PLCB1: variants seen among roughly 807,000 people sequenced by gnomAD.
PLCB1 encodes the protein 1-phosphatidylinositol 4,5-bisphosphate phosphodiesterase beta-1.
In PLCB1, 46 loss-of-function variants were observed where a neutral mutation model predicts 161.8. That is an observed-to-expected ratio of 0.28 (90% CI 0.22 to 0.36). The LOEUF is 0.36. Ranked by LOEUF, PLCB1 falls within the 10% of genes least tolerant of loss-of-function variation. The probability of loss-of-function intolerance (pLI) is 1.00; values close to 1 mark genes in which losing one functional copy is unlikely to be tolerated. For synonymous variants in PLCB1, 517 were observed against 503.7 expected, an observed-to-expected ratio of 1.03 and a Z score of -0.35; for missense variants, 1,016 against 1,472.5, an observed-to-expected ratio of 0.69 and a Z score of 5.07.
chr20:8,749,232 A>G (rs529838057), intron 23 of PLCB1, among the ~76,000 whole-genome samples: 8 of 152,302 alleles, frequency 5.3e-5, no homozygotes, highest in East Asian at 1.9e-4. Context: ...CATCTCTAAC[A>G]ATCTGCAGTG....
At chr20:8,745,009 ATTG>A (rs1981096297) in intron 23 of PLCB1, among the ~76,000 whole-genome samples, 1 of 152,294 alleles carries the variant, frequency 6.6e-6, no homozygotes, top group African/African-American at 2.4e-5. Flanking sequence ...AATGTATAAT[ATTG>A]TTTAAATTTG....
chr20:8,526,412 G>A (rs940746249), intron 3 of PLCB1, among the ~76,000 whole-genome samples: 3 of 152,018 alleles, frequency 2.0e-5, no homozygotes, highest in African/African-American at 7.2e-5. Context: ...GGTTTCTGTA[G>A]TGTAAAAATC....
intron 31 of PLCB1, among the ~76,000 whole-genome samples, chr20:8,820,612 G>A (rs2146263368): frequency 6.6e-6 from 1 of 152,244 alleles, no homozygotes; most frequent in South Asian, 2.1e-4. Flanking sequence ...CCTATAACCA[G>A]AAATTCCTCA....
At chr20:8,538,945 C>G (rs1380333863) in intron 3 of PLCB1, among the ~76,000 whole-genome samples, 1 of 151,914 alleles carries the variant, frequency 6.6e-6, no homozygotes, top group Non-Finnish European at 1.5e-5. Flanking sequence ...AGGCGCCTGC[C>G]ACCACGCCAG....
chr20:8,168,456 G>A lies in PLCB1; in HGVS notation c.177+18085G>A, dbSNP rs115770550. Reference sequence around the variant, plus strand: ...AGAGCACTTACGCTGCAGTGAGGTGGGTGTCTCTCACCATACCCTAGACTT... The same window carrying A: ...AGAGCACTTACGCTGCAGTGAGGTGAGTGTCTCTCACCATACCCTAGACTT... On this transcript the variant is annotated intron_variant, in intron 2 of 31. Coordinates refer to ENST00000338037, the MANE Select transcript of PLCB1 (RefSeq NM_015192.4). 6.0e-3 allele frequency among the ~76,000 whole-genome samples: 920 copies of A among 152,164 alleles called. 11 individuals are homozygous for A. The highest frequency in any genetic ancestry group is 0.021 in the African/African-American group (872 of 41,500).
chr20:8,300,537 G>A (rs991880732), intron 2 of PLCB1, among the ~76,000 whole-genome samples: 16 of 150,838 alleles, frequency 1.1e-4, no homozygotes, highest in Admixed American at 9.9e-4. Context: ...GTTTGGAAGT[G>A]GTTTTTTTTT....
At chr20:8,832,497 C>G (rs973102957) in intron 31 of PLCB1, among the ~76,000 whole-genome samples, 4 of 152,242 alleles carry the variant, frequency 2.6e-5, no homozygotes, top group Non-Finnish European at 4.4e-5. Flanking sequence ...GAACTTGGAT[C>G]TCTTCGCATG....
At position 8,569,309 on chromosome 20, in the gene PLCB1, A is replaced by G. The variant is rs185723290; in HGVS notation, c.247-58985A>G. ...AAGTAAACAAGTATTTCCCCAAAAGATAAATGTTAATAGTAAAATACATAT... is the reference window on the plus strand; with the variant it reads ...AAGTAAACAAGTATTTCCCCAAAAGGTAAATGTTAATAGTAAAATACATAT... On this transcript the variant is annotated intron_variant, in intron 3 of 31. Transcript: ENST00000338037. Among the ~76,000 whole-genome samples, 8 of 152,364 alleles carry G rather than the reference A, an allele frequency of 5.3e-5. No individual in the cohort carries two copies. In the East Asian group the frequency reaches 1.3e-3, roughly 26 times the overall value.
In PLCB1 at chr20:8,320,404, A is replaced by G. The variant is rs189239280; in HGVS notation, c.178-50978A>G. Among the ~76,000 whole-genome samples the G allele has an allele frequency of 8.8e-4, 134 of 152,298 alleles. 1 individual carries two copies. The highest frequency in any genetic ancestry group is 3.1e-3 in the African/African-American group (127 of 41,570). On this transcript the variant is annotated intron_variant, in intron 2 of 31. Transcript: ENST00000338037. ...AGTATTAGGTAATATAAACTTCCCTATTTTGGAGATGAGGAAATTAGGTTC... is the reference window on the plus strand; with the variant it reads ...AGTATTAGGTAATATAAACTTCCCTGTTTTGGAGATGAGGAAATTAGGTTC...
At chr20:8,350,451 A>G (rs1986147602) in intron 2 of PLCB1, among the ~76,000 whole-genome samples, 1 of 152,150 alleles carries the variant, frequency 6.6e-6, no homozygotes, top group Non-Finnish European at 1.5e-5. Flanking sequence ...ATAGTATTCC[A>G]TTGTGTATAT....
At chr20:8,709,950 T>G (rs930675924) in intron 12 of PLCB1, among the ~76,000 whole-genome samples, 1 of 152,234 alleles carries the variant, frequency 6.6e-6, no homozygotes, top group Non-Finnish European at 1.5e-5. Flanking sequence ...ATACCTAGTT[T>G]GCTTTGCAAC....
intron 31 of PLCB1, among the ~76,000 whole-genome samples, chr20:8,826,368 G>C (rs1275821650): frequency 6.6e-6 from 1 of 152,054 alleles, no homozygotes; most frequent in African/African-American, 2.4e-5. Flanking sequence ...GGTGGCAGGC[G>C]CCTGTAGTCC....
At chr20:8,510,140 A>G (rs1983819116) in intron 3 of PLCB1, among the ~76,000 whole-genome samples, 1 of 152,132 alleles carries the variant, frequency 6.6e-6, no homozygotes, top group African/African-American at 2.4e-5. Context: ...TGGAAATGTA[A>G]AAGTAATTTT....
chr20:8,294,477 T>C (rs1479790618), intron 2 of PLCB1, among the ~76,000 whole-genome samples: 1 of 151,890 alleles, frequency 6.6e-6, no homozygotes, highest in Admixed American at 6.6e-5. Context: ...TGCATATATA[T>C]ACACATACTT....
At chr20:8,332,487 T>G (rs956183215) in intron 2 of PLCB1, among the ~76,000 whole-genome samples, 2 of 152,354 alleles carry the variant, frequency 1.3e-5, no homozygotes, top group Admixed American at 6.5e-5. Flanking sequence ...ATAATCAAAA[T>G]GTACTGGACA....
At chr20:8,315,001 G>A (rs1047389253) in intron 2 of PLCB1, among the ~76,000 whole-genome samples, 4 of 152,202 alleles carry the variant, frequency 2.6e-5, no homozygotes, top group Admixed American at 2.0e-4. Flanking sequence ...CTATGAGTCT[G>A]TAGTCTTCAC....
intron 26 of PLCB1, among the ~76,000 whole-genome samples, chr20:8,766,371 G>T (rs1455124826): frequency 1.3e-5 from 2 of 152,192 alleles, no homozygotes; most frequent in Non-Finnish European, 2.9e-5. Context: ...CAATAAGGTG[G>T]CACAGAAAGA....
intron 3 of PLCB1, among the ~76,000 whole-genome samples, chr20:8,468,154 T>C (rs1019222939): frequency 1.3e-5 from 2 of 152,174 alleles, no homozygotes; most frequent in African/African-American, 4.8e-5. Context: ...AGTTTTCCCC[T>C]GGGACTGGGA....
intron 2 of PLCB1, among the ~76,000 whole-genome samples, chr20:8,338,778 T>C (rs1985684431): frequency 6.6e-6 from 1 of 152,164 alleles, no homozygotes. Flanking sequence ...AATTCTCTTG[T>C]GCCCTCTTCC....
Sources: gnomAD v4.1 joint callset for allele counts (sites outside exome capture counted in the v4.1 genomes callset) on GRCh38, gnomAD v4.1.1 for gene constraint, MANE v1.5 for transcripts, NCBI Gene and HGNC (gene_info 2026-07-23, HGNC 2026-07-21) for gene names.